Variants in MYO5B observed in about 807,000 individuals in gnomAD.
MYO5B encodes the protein myosin VB, also known as unconventional myosin-Vb.
A neutral mutation model predicts 229.3 loss-of-function variants in MYO5B; 143 were observed. That is an observed-to-expected ratio of 0.62 (90% CI 0.54 to 0.72). The LOEUF (loss-of-function observed/expected upper bound fraction) is 0.72. Ranked by LOEUF, MYO5B falls within the 30% of genes least tolerant of loss-of-function variation. The probability of loss-of-function intolerance (pLI) is 0.00; values close to 1 mark genes in which losing one functional copy is unlikely to be tolerated. For synonymous variants in MYO5B, 918 were observed against 885.2 expected (o/e 1.04, Z -0.66); for missense variants, 2,321 against 2,331.0 (o/e 1.00, Z 0.09).
chr18:49,877,489 G>T (rs1438164710), intron 25 of MYO5B, among the ~76,000 whole-genome samples: 1 of 145,214 alleles, frequency 6.9e-6, no homozygotes, highest in African/African-American at 2.6e-5. Context: ...CAGCTTCTTG[G>T]TTTTTCAAGA....
intron 1 of MYO5B, among the ~76,000 whole-genome samples, chr18:50,138,276 C>T (rs1241368005): frequency 1.3e-5 from 2 of 152,176 alleles, no homozygotes; most frequent in African/African-American, 4.8e-5. Flanking sequence ...GGAATGTTTT[C>T]TCTATCAAGC....
chr18:49,967,511 C>T (rs1218297747), intron 10 of MYO5B, among the ~76,000 whole-genome samples: 8 of 152,188 alleles, frequency 5.3e-5, no homozygotes, highest in Non-Finnish European at 1.2e-4. Context: ...AGCATTCTGC[C>T]TTTGGTAGAC....
At chr18:50,050,638 C>G (rs927936074) in intron 2 of MYO5B, among the ~76,000 whole-genome samples, 2 of 152,164 alleles carry the variant, frequency 1.3e-5, no homozygotes, top group African/African-American at 4.8e-5. Flanking sequence ...TGCTCAACGC[C>G]GCTCTGGTGA....
intron 4 of MYO5B, among the ~76,000 whole-genome samples, chr18:50,036,147 G>C (rs1014071766): frequency 4.6e-5 from 7 of 152,192 alleles, no homozygotes; most frequent in Admixed American, 2.6e-4. Flanking sequence ...TTGGCTGAAA[G>C]AATCTAGCAT....
chr18:49,940,556 C>T (rs1045347978), intron 14 of MYO5B, among the ~76,000 whole-genome samples: 10 of 152,192 alleles, frequency 6.6e-5, no homozygotes, highest in African/African-American at 1.4e-4. Flanking sequence ...AGGCATAAGA[C>T]CATCAGCAAC....
intron 2 of MYO5B, among the ~76,000 whole-genome samples, chr18:50,049,371 G>A (rs1238006701): frequency 6.6e-6 from 1 of 152,164 alleles, no homozygotes; most frequent in Non-Finnish European, 1.5e-5. Context: ...AAACTGCCTG[G>A]TCAACACAAT....
intron 33 of MYO5B, among the ~76,000 whole-genome samples, chr18:49,843,746 G>A (rs1229892612): frequency 6.6e-6 from 1 of 152,242 alleles, no homozygotes; most frequent in African/African-American, 2.4e-5. Flanking sequence ...CCCATGGCAA[G>A]TGGAAGGCTG....
intron 8 of MYO5B, among the ~76,000 whole-genome samples, chr18:49,982,574 AAATC>A (rs1182327435): frequency 6.6e-6 from 1 of 152,188 alleles, no homozygotes; most frequent in Non-Finnish European, 1.5e-5. Flanking sequence ...CTAAAAACAA[AAATC>A]AATCAAACAA....
intron 2 of MYO5B, among the ~76,000 whole-genome samples, chr18:50,050,881 T>G (rs2030372985): frequency 6.6e-6 from 1 of 152,232 alleles, no homozygotes; most frequent in African/African-American, 2.4e-5. Context: ...TCTTACATAA[T>G]GGATTATCAT....
intron 2 of MYO5B, among the ~76,000 whole-genome samples, chr18:50,049,813 GA>G (rs1247411352): frequency 2.6e-5 from 4 of 152,004 alleles, no homozygotes; most frequent in South Asian, 2.1e-4. Context: ...TAATCTATGG[GA>G]AAAAAATTAG....
At chr18:50,001,223 C>T in intron 5 of MYO5B, 32 bp downstream of exon 5, 1 of 1,613,952 alleles carries the variant, frequency 6.2e-7, no homozygotes, top group Non-Finnish European at 8.5e-7. Context: ...GGAGCTCCAG[C>T]CAGGAAGGCC....
Position 49,902,770 on chromosome 18 carries a change from G to A in MYO5B, c.2635C>T (p.His879Tyr). ...GCTGCATCCCGCAGCCGCTGGAAGT[G>A]CCTGCGTGCCATCCAGCCCCGCACG... ...KHVRGWMARR[H>Y]FQRLRDAAIV... The change falls in exon 21 of 40, where the codon CAC (histidine) becomes TAC (tyrosine). Residue 879 changes from histidine to tyrosine, a missense_variant. Transcript: ENST00000285039. 3.1e-6 allele frequency: 5 copies of A among 1,605,300 alleles called. No homozygotes were observed. The highest frequency in any genetic ancestry group is 4.2e-6 in the Non-Finnish European group (5 of 1,179,994).
chr18:49,997,978 A>T (rs946372714), intron 5 of MYO5B, among the ~76,000 whole-genome samples: 15 of 152,234 alleles, frequency 9.9e-5, no homozygotes, highest in African/African-American at 3.6e-4. Context: ...TGTGCTGGTT[A>T]TAACACTCTG....
intron 17 of MYO5B, among the ~76,000 whole-genome samples, chr18:49,917,419 G>A (rs891672371): frequency 1.3e-5 from 2 of 150,870 alleles, no homozygotes; most frequent in East Asian, 1.9e-4. Flanking sequence ...CATTATCCCC[G>A]ACCCCATTCA....
intron 1 of MYO5B, among the ~76,000 whole-genome samples, chr18:50,136,661 C>T (rs1270475456): frequency 2.0e-5 from 3 of 152,110 alleles, no homozygotes; most frequent in Non-Finnish European, 4.4e-5. Flanking sequence ...GGAAGGAGTA[C>T]GGATCTTAGG....
intron 14 of MYO5B, among the ~76,000 whole-genome samples, chr18:49,940,194 C>G (rs1402106137): frequency 2.0e-5 from 3 of 152,106 alleles, no homozygotes; most frequent in Non-Finnish European, 2.9e-5. Context: ...TCAAAAAGTC[C>G]TAGAAGCATA....
rs775277216 is a variant in MYO5B, at chr18:49,843,261, C to T, written c.4591G>A (p.Gly1531Ser). The T allele has an allele frequency of 1.2e-5, 19 of 1,613,992 alleles. 1 individual carries two copies. The highest frequency in any genetic ancestry group is 1.6e-4 in the Middle Eastern group (1 of 6,078). ...CTTACTTTCAGGACTTTCTTAATGC[C>T]GTTGATGGTGGAGGTCAGCAGGGAG... ...VHSLLTSTIN[G>S]IKKVLKKHND... The change falls in exon 34 of 40, where the codon GGC becomes AGC. Residue 1531 changes from glycine (G) to serine (S), a missense_variant. Transcript: ENST00000285039.
At chr18:50,060,622 G>A (rs1015505116) in intron 1 of MYO5B, among the ~76,000 whole-genome samples, 4 of 152,312 alleles carry the variant, frequency 2.6e-5, no homozygotes, top group Admixed American at 2.6e-4. Flanking sequence ...ATATTTCCTA[G>A]AGAAGGCAGA....
chr18:49,841,618 G>A (rs2024058699), intron 34 of MYO5B, among the ~76,000 whole-genome samples, 164 bp from the exon 35 acceptor site: 1 of 152,216 alleles, frequency 6.6e-6, no homozygotes, highest in Non-Finnish European at 1.5e-5. Flanking sequence ...CCATTGCTGA[G>A]AGGCTGTGTG....
Sources: allele counts gnomAD v4.1 joint callset (sites outside exome capture counted in the v4.1 genomes callset), GRCh38; gene constraint gnomAD v4.1.1; transcripts MANE v1.5; gene names NCBI Gene and HGNC (gene_info 2026-07-23, HGNC 2026-07-21).